CEP63: variants seen among roughly 807,000 people sequenced by gnomAD.
The protein encoded by CEP63 is centrosomal protein 63, also known as centrosomal protein of 63 kDa.
In CEP63, 84 loss-of-function variants were observed where a neutral mutation model predicts 89.1. The ratio of observed to expected loss-of-function variants is 0.94; its 90% CI spans 0.79 to 1.13. The LOEUF (loss-of-function observed/expected upper bound fraction) is 1.13, where lower values mean the gene tolerates loss of function less well. CEP63 is among the 50% of genes most tolerant of loss of function. CEP63 has a pLI of 0.00. For missense variants in CEP63, 838 were observed against 813.3 expected, an observed-to-expected ratio of 1.03 and a Z score of -0.37; for synonymous variants, 267 against 272.5, an observed-to-expected ratio of 0.98 and a Z score of 0.20.
At chr3:134,620,787 C>G in the CEP63 span, 1 of 1,613,730 alleles carries the variant, frequency 6.2e-7, no homozygotes, top group Non-Finnish European at 8.5e-7. Context: ...GGCGCGGACC[C>G]TTTCCAGGTC....
the CEP63 span, chr3:134,643,468 G>C: frequency 2.9e-6 from 3 of 1,033,132 alleles, no homozygotes; most frequent in Non-Finnish European, 4.4e-6. Context: ...CGGGAAAGGT[G>C]GGCTGGCGGG....
At chr3:134,705,755 T>C in the CEP63 span, among the ~76,000 whole-genome samples, 1 of 152,196 alleles carries the variant, frequency 6.6e-6, no homozygotes, top group Non-Finnish European at 1.5e-5. Context: ...GAGCTCACAC[T>C]TACCACATTT....
chr3:134,667,574 C>T, the CEP63 span, among the ~76,000 whole-genome samples: 3 of 152,178 alleles, frequency 2.0e-5, no homozygotes, highest in Admixed American at 1.3e-4. Context: ...AAAGTTCACC[C>T]GGGGGAAGAC....
chr3:134,653,864 C>T, the CEP63 span, among the ~76,000 whole-genome samples: 3 of 152,194 alleles, frequency 2.0e-5, no homozygotes, highest in South Asian at 2.1e-4. Context: ...ATGTCCTCTA[C>T]ACCCCAAACA....
chr3:134,574,222 C>T (rs909218719), intron 11 of CEP63, among the ~76,000 whole-genome samples: 2 of 152,200 alleles, frequency 1.3e-5, no homozygotes, highest in Admixed American at 1.3e-4. Flanking sequence ...AGTGCAGCTC[C>T]TTAGGACTGG....
the CEP63 span, among the ~76,000 whole-genome samples, chr3:134,688,217 G>T: frequency 1.2e-4 from 19 of 152,278 alleles, no homozygotes; most frequent in South Asian, 3.7e-3. Context: ...CCATACAATA[G>T]ATTACTATTT....
At chr3:134,709,043 C>T in the CEP63 span, among the ~76,000 whole-genome samples, 2 of 152,100 alleles carry the variant, frequency 1.3e-5, no homozygotes, top group African/African-American at 4.8e-5. Flanking sequence ...GTCCTGTGGA[C>T]ACATATAAGA....
chr3:134,660,988 G>A, the CEP63 span, among the ~76,000 whole-genome samples: 1 of 152,150 alleles, frequency 6.6e-6, no homozygotes, highest in Non-Finnish European at 1.5e-5. Flanking sequence ...TATGGGCAAG[G>A]CTGGAATGCA....
At chr3:134,633,076 C>T in the CEP63 span, among the ~76,000 whole-genome samples, 2 of 152,022 alleles carry the variant, frequency 1.3e-5, no homozygotes, top group Non-Finnish European at 2.9e-5. Flanking sequence ...AGCAGATAAC[C>T]TAAGTATTCC....
the CEP63 span, chr3:134,625,283 G>T: frequency 1.4e-6 from 1 of 694,428 alleles, no homozygotes; most frequent in Non-Finnish European, 2.5e-6. Context: ...AGAGCTATAT[G>T]GGAACTTTCC....
intron 12 of CEP63, 109 bp downstream of exon 12, chr3:134,552,121 C>A: frequency 1.6e-6 from 1 of 622,566 alleles, no homozygotes; most frequent in Non-Finnish European, 2.8e-6. Context: ...GATCCTTTTG[C>A]AGAAATTTTC....
At chr3:134,529,168 G>C (rs6805896) in intron 3 of CEP63, among the ~76,000 whole-genome samples, 150,088 of 152,266 alleles carry the variant, frequency 0.99, 74,012 homozygotes, top group Middle Eastern at 1. Flanking sequence ...TTTTTATATC[G>C]ATATGTCTTT....
chr3:134,689,923 C>A, the CEP63 span, among the ~76,000 whole-genome samples: 7 of 152,070 alleles, frequency 4.6e-5, no homozygotes, highest in Non-Finnish European at 1.0e-4. Flanking sequence ...CCTTCCATAG[C>A]GAGGAAGGGA....
chr3:134,780,814 A>G, the CEP63 span, among the ~76,000 whole-genome samples: 4 of 152,070 alleles, frequency 2.6e-5, no homozygotes, highest in Admixed American at 2.6e-4. Context: ...TTTCCTTTGT[A>G]GTTTGTGCTT....
At chr3:134,730,545 A>T in the CEP63 span, among the ~76,000 whole-genome samples, 1 of 152,244 alleles carries the variant, frequency 6.6e-6, no homozygotes, top group Non-Finnish European at 1.5e-5. Flanking sequence ...ATATGTACAC[A>T]CAAGTATTTA....
At chr3:134,536,740 A>G in intron 5 of CEP63, 1 of 284,432 alleles carries the variant, frequency 3.5e-6, no homozygotes, top group Non-Finnish European at 6.9e-6. Flanking sequence ...TAATCTGTTC[A>G]ATTCCTGGGT....
At chr3:134,738,977 A>G in the CEP63 span, among the ~76,000 whole-genome samples, 2 of 151,922 alleles carry the variant, frequency 1.3e-5, no homozygotes. Flanking sequence ...AAAAAAAAAA[A>G]AAACCCAGAT....
At chr3:134,485,881 A>G (rs138101536), upstream of CEP63, 8 of 560,744 alleles carry the variant, frequency 1.4e-5, no homozygotes, top group Non-Finnish European at 1.8e-5. Context: ...AATAGGGGGA[A>G]GTCCGACACT....
intron 2 of CEP63, among the ~76,000 whole-genome samples, chr3:134,497,142 GT>G (rs1940368192): frequency 6.6e-6 from 1 of 152,040 alleles, no homozygotes; most frequent in African/African-American, 2.4e-5. Flanking sequence ...CTGTTGAGTT[GT>G]TTTTCTTGTA....
Sources: gnomAD v4.1 joint callset for allele counts (sites outside exome capture counted in the v4.1 genomes callset) on GRCh38, gnomAD v4.1.1 for gene constraint, MANE v1.5 for transcripts, NCBI Gene and HGNC (gene_info 2026-07-23, HGNC 2026-07-21) for gene names.